Variants in BANP observed in about 807,000 individuals in gnomAD.
BANP encodes the protein protein BANP.
Under a neutral mutation model 68.1 loss-of-function variants are expected in BANP, and 11 were observed. That is an observed-to-expected ratio of 0.16 (90% CI 0.10 to 0.27). The LOEUF is 0.27. Ranked by LOEUF, BANP falls within the 10% of genes least tolerant of loss-of-function variation. The pLI is 1.00. For missense variants in BANP, 504 were observed against 722.7 expected, an observed-to-expected ratio of 0.70 and a Z score of 3.47; for synonymous variants, 329 against 303.2, an observed-to-expected ratio of 1.09 and a Z score of -0.88.
intron 13 of BANP, among the ~76,000 whole-genome samples, chr16:88,076,318 C>T (rs914683544): frequency 2.0e-5 from 3 of 149,084 alleles, no homozygotes; most frequent in East Asian, 2.1e-4. Context: ...GCAGCTGCTG[C>T]GCCGGCCCCG....
intron 1 of BANP, among the ~76,000 whole-genome samples, chr16:87,955,047 G>C (rs1415919478): frequency 6.6e-6 from 1 of 152,262 alleles, no homozygotes; most frequent in Non-Finnish European, 1.5e-5. Flanking sequence ...AGGCCCGGCA[G>C]ACCCGTGTGG....
At chr16:88,010,707 G>A (rs1275988651) in intron 6 of BANP, among the ~76,000 whole-genome samples, 1 of 151,578 alleles carries the variant, frequency 6.6e-6, no homozygotes, top group South Asian at 2.1e-4. Context: ...GCTGTGCCGA[G>A]TCACACACAT....
At chr16:87,978,511 A>G (rs1306909829) in intron 2 of BANP, 4 of 425,100 alleles carry the variant, frequency 9.4e-6, no homozygotes, top group Non-Finnish European at 2.0e-5. Context: ...TTGACTAACC[A>G]CAGGCACTTG....
intron 11 of BANP, among the ~76,000 whole-genome samples, chr16:88,045,311 T>G (rs6540159): frequency 2.2e-4 from 33 of 152,106 alleles, no homozygotes; most frequent in Non-Finnish European, 3.8e-4. Flanking sequence ...GCTCGATGTT[T>G]GCCGCAGCTG....
At chr16:87,959,717 G>A (rs1431028903) in intron 1 of BANP, among the ~76,000 whole-genome samples, 1 of 152,096 alleles carries the variant, frequency 6.6e-6, no homozygotes, top group African/African-American at 2.4e-5. Context: ...GCCACCCTTC[G>A]GAGCGATGGG....
chr16:87,953,579 C>T (rs2057421428), intron 1 of BANP, among the ~76,000 whole-genome samples: 1 of 152,178 alleles, frequency 6.6e-6, no homozygotes. Context: ...CATATCCCAA[C>T]TCTTCTATCC....
chr16:88,009,312 G>A (rs1014754764), intron 6 of BANP, among the ~76,000 whole-genome samples: 1 of 152,150 alleles, frequency 6.6e-6, no homozygotes, highest in Non-Finnish European at 1.5e-5. Flanking sequence ...CTATTTAGTT[G>A]TTTTAGGCCC....
intron 1 of BANP, among the ~76,000 whole-genome samples, chr16:87,969,696 C>CT (rs1462294466): frequency 6.6e-6 from 1 of 151,922 alleles, no homozygotes; most frequent in African/African-American, 2.4e-5. Context: ...CCATCCCCGT[C>CT]TAATTTTTTG....
At position 87,975,235 on chromosome 16, in the gene BANP, A is replaced by G. The variant is rs192554683; in HGVS notation, c.70+50A>G. On this transcript the variant is annotated intron_variant, in intron 2 of 13. Transcript: ENST00000682872. ...GAAATATTATTCTCTTTATTCTTCAAAAACCAAAAGCTGCTCCAGTTATTT... is the reference window on the plus strand; with the variant it reads ...GAAATATTATTCTCTTTATTCTTCAGAAACCAAAAGCTGCTCCAGTTATTT... 9.4e-5 allele frequency: 147 copies of G among 1,570,208 alleles called. No homozygotes were observed. The African/African-American group carries it at 1.6e-3, about 17-fold the overall frequency.
At chr16:87,986,553 C>T (rs2064477477) in intron 4 of BANP, among the ~76,000 whole-genome samples, 3 of 136,620 alleles carry the variant, frequency 2.2e-5, no homozygotes, top group Admixed American at 2.1e-4. Context: ...TCATTCCCAT[C>T]TGAGTTTCTA....
At position 88,018,379 on chromosome 16, in the gene BANP, G is replaced by A. The variant is rs746361112; in HGVS notation, c.656-49G>A. The A allele has an allele frequency of 1.9e-6, 3 of 1,580,266 alleles. No homozygotes were observed. The highest frequency in any genetic ancestry group is 1.2e-5 in the South Asian group (1 of 85,924). On this transcript the variant is annotated intron_variant, in intron 6 of 13. Coordinates refer to ENST00000682872, the MANE Select transcript of BANP (RefSeq NM_001386991.1). The surrounding 1 kb of genome is among the most constrained non-coding windows in gnomAD (Gnocchi z 7.7). ...CAGAGCGCTCTGCTGTCCTGAATGT[G>A]AGCTTATTTGAGCCTTGGCCATCTG...
At chr16:87,968,119 C>T (rs1198300214) in intron 1 of BANP, among the ~76,000 whole-genome samples, 1 of 151,784 alleles carries the variant, frequency 6.6e-6, no homozygotes, top group Non-Finnish European at 1.5e-5. Flanking sequence ...TCTGTGACCC[C>T]AAAACGTTTT....
chr16:88,020,659 T>C (rs974431695), intron 7 of BANP, among the ~76,000 whole-genome samples: 11 of 152,120 alleles, frequency 7.2e-5, no homozygotes, highest in Non-Finnish European at 1.5e-5. Context: ...GGGATGAGCG[T>C]GCTGTGCTGT....
rs995623276 is a variant in BANP, at chr16:88,077,170, T to C, written c.*509T>C. On this transcript the variant is annotated 3_prime_UTR_variant, in exon 14 of 14. Transcript: ENST00000682872. ...GTGTCATGAGACGGGAGCCCTTTGC[T>C]GTGTGCTCTGTCCAGTGTCATGAGG... 4 of 159,862 alleles carry C rather than the reference T, an allele frequency of 2.5e-5. No homozygotes were observed. The highest frequency in any genetic ancestry group is 9.6e-5 in the African/African-American group (4 of 41,520). 9.9% of individuals were successfully genotyped at this position (159,862 alleles called of 1,614,324 possible).
At position 88,037,564 on chromosome 16, in the gene BANP, C is replaced by T. The variant is rs181636082; in HGVS notation, c.1273-409C>T. ...GTGAGTTGGTTCCTTGCGTGCAGCC[C>T]GTGACCTGGCGTGGTGATGCCGCAC... On this transcript the variant is annotated intron_variant, in intron 10 of 13. Coordinates refer to ENST00000682872, the MANE Select transcript of BANP (RefSeq NM_001386991.1). The T allele has an allele frequency of 6.4e-3, 1,253 of 195,742 alleles. 6 individuals are homozygous for T. The highest frequency in any genetic ancestry group is 8.5e-3 in the Non-Finnish European group (808 of 95,452). The allele number at this position is 195,742 out of a possible 1,614,324, so 12.1% of individuals were successfully genotyped here.
intron 12 of BANP, among the ~76,000 whole-genome samples, chr16:88,070,614 T>TG (rs1237084361): frequency 2.0e-5 from 3 of 151,904 alleles, no homozygotes; most frequent in Non-Finnish European, 4.4e-5. Context: ...TTTTCAGCTT[T>TG]GGGGGGCACA....
intron 1 of BANP, chr16:87,970,159 G>A (rs889623635): frequency 3.3e-5 from 5 of 152,218 alleles, no homozygotes; most frequent in African/African-American, 1.2e-4. Context: ...CCAAAGTGCT[G>A]GGATGACAGA....
chr16:88,045,762 C>A (rs1384004603), intron 11 of BANP, among the ~76,000 whole-genome samples: 3 of 130,236 alleles, frequency 2.3e-5, no homozygotes, highest in Non-Finnish European at 4.6e-5. Context: ...CTGTGGTTGG[C>A]AGATCTTTTG....
chr16:87,964,109 A>G (rs907290246), intron 1 of BANP, among the ~76,000 whole-genome samples: 3 of 152,246 alleles, frequency 2.0e-5, no homozygotes, highest in African/African-American at 7.2e-5. Flanking sequence ...TAATTATAGC[A>G]CAGTCCTTAT....
Sources: allele counts gnomAD v4.1 joint callset (sites outside exome capture counted in the v4.1 genomes callset), GRCh38; gene constraint gnomAD v4.1.1; non-coding constraint Gnocchi (gnomAD v3.1); transcripts MANE v1.5; gene names NCBI Gene and HGNC (gene_info 2026-07-23, HGNC 2026-07-21).